The following DPYSL5 variants were observed in gnomAD, a reference collection of about 807,000 sequenced individuals.
The protein encoded by DPYSL5 is dihydropyrimidinase like 5.
In DPYSL5, 9 loss-of-function variants were observed where a neutral mutation model predicts 58.4. The ratio of observed to expected loss-of-function variants is 0.15; its 90% CI spans 0.09 to 0.27. The LOEUF (loss-of-function observed/expected upper bound fraction) is 0.27, where lower values mean the gene tolerates loss of function less well. Among genes scored for constraint, DPYSL5 ranks in the 10% least tolerant of loss-of-function variants. The pLI, the probability that DPYSL5 is intolerant of heterozygous loss-of-function variation, is 1.00. For synonymous variants in DPYSL5, 293 were observed against 301.9 expected (o/e 0.97, Z 0.31); for missense variants, 499 against 770.6 (o/e 0.65, Z 4.17).
chr2:26,870,764 T>C (rs1473299864), intron 1 of DPYSL5, among the ~76,000 whole-genome samples: 1 of 151,424 alleles, frequency 6.6e-6, no homozygotes, highest in African/African-American at 2.4e-5. Context: ...CAAACTGTCA[T>C]TTTTTGACAA....
chr2:26,931,203 G>GTGTGTGTGTATA (rs1474347605), intron 5 of DPYSL5, among the ~76,000 whole-genome samples: 33 of 44,934 alleles, frequency 7.3e-4, no homozygotes, highest in South Asian at 1.3e-3. Context: ...GTGTGTGTGT[G>GTGTGTGTGTATA]TATATATATA....
chr2:26,904,076 C>T (rs915991172), intron 2 of DPYSL5, among the ~76,000 whole-genome samples: 2 of 152,212 alleles, frequency 1.3e-5, no homozygotes, highest in Non-Finnish European at 2.9e-5. Flanking sequence ...ATCAAGAGTG[C>T]TTGTGCAGCA....
At chr2:26,888,204 C>G (rs930410631) in intron 1 of DPYSL5, among the ~76,000 whole-genome samples, 2 of 131,556 alleles carry the variant, frequency 1.5e-5, no homozygotes, top group Non-Finnish European at 3.2e-5. Flanking sequence ...CCTTCCTTCC[C>G]TTTCTTTTCT....
At chr2:26,939,944 C>T in intron 8 of DPYSL5, 87 bp from the exon 9 acceptor site, 1 of 1,560,848 alleles carries the variant, frequency 6.4e-7, no homozygotes, top group Non-Finnish European at 8.7e-7. Flanking sequence ...CTGCTTCCCA[C>T]ACGGAGGATT....
In DPYSL5 at chr2:26,927,391, A is replaced by G; in HGVS notation, c.559A>G (p.Ile187Val). 1 of 1,614,246 alleles carries G rather than the reference A, an allele frequency of 6.2e-7. No individual in the cohort carries two copies. Among genetic ancestry groups the G allele is most frequent in the African/African-American group, 1.3e-5 (1 of 75,070 alleles). Residue 187 changes from isoleucine (I) to valine (V), a missense_variant, in exon 4 of 13, where the codon ATC becomes GTC. By Grantham distance (29) the Ile-to-Val change is conservative. Coordinates refer to ENST00000288699, the MANE Select transcript of DPYSL5 (RefSeq NM_020134.4). The surrounding 1 kb of genome is among the most constrained non-coding windows in gnomAD (Gnocchi z 4.3). Reference sequence around the variant, plus strand: ...GCACGCTTGCAAGGACATTGGGGCAATCGCCCGCGTCCATGCTGAAAATGG... The same window carrying G: ...GCACGCTTGCAAGGACATTGGGGCAGTCGCCCGCGTCCATGCTGAAAATGG... ...VLHACKDIGA[I>V]ARVHAENGEL... is the part of the protein sequence containing the mutation.
intron 1 of DPYSL5, among the ~76,000 whole-genome samples, chr2:26,874,731 G>A (rs1466013670): frequency 1.3e-5 from 2 of 152,336 alleles, no homozygotes; most frequent in Admixed American, 6.5e-5. Flanking sequence ...CCTGCGTTCT[G>A]GGAGGTGGTG....
intron 2 of DPYSL5, among the ~76,000 whole-genome samples, chr2:26,912,559 G>A (rs1664468802): frequency 4.6e-5 from 7 of 152,212 alleles, no homozygotes; most frequent in Non-Finnish European, 1.5e-5. Context: ...GGGCCTCTCA[G>A]TGTGCCTCTG....
At position 26,905,884 on chromosome 2, in the gene DPYSL5, T is replaced by G. The variant is rs577037365; in HGVS notation, c.261+7124T>G. ...ATCTGGGCACAGCATGACTAGGTCT[T>G]CGGCTCAGAGCCTCGCAAGCCGCCA... is the stretch of plus-strand genomic sequence containing the variant. On this transcript the variant is annotated intron_variant, in intron 2 of 12. Transcript: ENST00000288699. The surrounding 1 kb of genome is among the most constrained non-coding windows in gnomAD (Gnocchi z 4.0). 6.6e-6 allele frequency among the ~76,000 whole-genome samples: 1 copy of G among 152,324 alleles called. No individual in the cohort carries two copies. Among genetic ancestry groups the G allele is most frequent in the African/African-American group, 2.4e-5 (1 of 41,566 alleles).
chr2:26,908,021 C>G (rs1664342405), intron 2 of DPYSL5, among the ~76,000 whole-genome samples: 1 of 152,142 alleles, frequency 6.6e-6, no homozygotes, highest in Non-Finnish European at 1.5e-5. Flanking sequence ...CTTGCTATGT[C>G]ATGTGGGCAA....
At chr2:26,893,313 G>T (rs1663935163) in intron 1 of DPYSL5, among the ~76,000 whole-genome samples, 1 of 152,176 alleles carries the variant, frequency 6.6e-6, no homozygotes, top group Non-Finnish European at 1.5e-5. Context: ...AGGAGAACAG[G>T]CTATGATCTC....
intron 1 of DPYSL5, among the ~76,000 whole-genome samples, chr2:26,892,688 AAAAC>A (rs1399462553): frequency 1.9e-4 from 29 of 151,760 alleles, no homozygotes; most frequent in African/African-American, 6.5e-4. Context: ...CAAAAACAAA[AAAAC>A]AAACAAAAAC....
chr2:26,929,508 A>T (rs753772265), intron 5 of DPYSL5, among the ~76,000 whole-genome samples: 2 of 152,218 alleles, frequency 1.3e-5, no homozygotes, highest in Non-Finnish European at 2.9e-5. Context: ...CTGGGATTAC[A>T]GGCGTGAGCC....
chr2:26,892,357 G>T (rs1331574594), intron 1 of DPYSL5, among the ~76,000 whole-genome samples: 1 of 152,176 alleles, frequency 6.6e-6, no homozygotes, highest in Non-Finnish European at 1.5e-5. Flanking sequence ...TAGCATCAAA[G>T]CTCAGACAAG....
At chr2:26,873,087 T>G (rs1663313813) in intron 1 of DPYSL5, among the ~76,000 whole-genome samples, 1 of 152,232 alleles carries the variant, frequency 6.6e-6, no homozygotes, top group South Asian at 2.1e-4. Context: ...GGAAGCTTAG[T>G]GCTAAATGCA....
In DPYSL5 at chr2:26,898,134, C is replaced by T. The variant is rs1026756263; in HGVS notation, c.-4-362C>T. On this transcript the variant is annotated intron_variant, in intron 1 of 12. Coordinates refer to ENST00000288699, the MANE Select transcript of DPYSL5 (RefSeq NM_020134.4). The surrounding 1 kb of genome is among the most constrained non-coding windows in gnomAD (Gnocchi z 6.1). ...AATTCCTTAGCAATTTCAGCTTTCTCATCTGTAAAATGCCTTGGGTTGTTT... is the reference window on the plus strand; with the variant it reads ...AATTCCTTAGCAATTTCAGCTTTCTTATCTGTAAAATGCCTTGGGTTGTTT... Among the ~76,000 whole-genome samples, 3 of 152,128 alleles carry T rather than the reference C, an allele frequency of 2.0e-5. No individual in the cohort carries two copies. The highest frequency in any genetic ancestry group is 4.8e-5 in the African/African-American group (2 of 41,412).
chr2:26,891,167 G>A (rs1663871651), intron 1 of DPYSL5, among the ~76,000 whole-genome samples: 1 of 152,144 alleles, frequency 6.6e-6, no homozygotes, highest in South Asian at 2.1e-4. Context: ...GTAAAAATGG[G>A]GGCAATGATG....
At chr2:26,875,733 G>C (rs747885081) in intron 1 of DPYSL5, among the ~76,000 whole-genome samples, 32 of 152,284 alleles carry the variant, frequency 2.1e-4, no homozygotes, top group Middle Eastern at 3.4e-3. Flanking sequence ...CAGGGACTAG[G>C]AACCAAGGAG....
intron 9 of DPYSL5, among the ~76,000 whole-genome samples, chr2:26,940,934 A>AT (rs1239104962): frequency 6.7e-5 from 7 of 104,714 alleles, no homozygotes; most frequent in Middle Eastern, 4.4e-3. Flanking sequence ...TATTATTATT[A>AT]TTATTTATTT....
intron 2 of DPYSL5, among the ~76,000 whole-genome samples, chr2:26,918,474 T>A (rs1297390596): frequency 8.0e-6 from 1 of 125,302 alleles, no homozygotes; most frequent in East Asian, 2.2e-4. Flanking sequence ...GCTGGTTATT[T>A]TTTTTTTTTC....
Sources: gnomAD v4.1 joint callset for allele counts (sites outside exome capture counted in the v4.1 genomes callset) on GRCh38, gnomAD v4.1.1 for gene constraint, Gnocchi (gnomAD v3.1) non-coding constraint, MANE v1.5 for transcripts, NCBI Gene and HGNC (gene_info 2026-07-23, HGNC 2026-07-21) for gene names.